The following OSBP2 variants were observed in gnomAD, a reference collection of about 807,000 sequenced individuals.
OSBP2 encodes the protein oxysterol-binding protein 2.
In OSBP2, 66 loss-of-function variants were observed where a neutral mutation model predicts 96.0. The observed-to-expected ratio is 0.69, with a 90% CI of 0.56 to 0.84. The LOEUF is 0.84. Among genes scored for constraint, OSBP2 ranks in the 40% least tolerant of loss-of-function variants. OSBP2 has a pLI of 0.00. For synonymous variants in OSBP2, 525 were observed against 520.9 expected (o/e 1.01, Z -0.11); for missense variants, 1,038 against 1,222.7 (o/e 0.85, Z 2.25).
At chr22:30,781,913 G>C (rs931213198) in intron 2 of OSBP2, among the ~76,000 whole-genome samples, 2 of 152,198 alleles carry the variant, frequency 1.3e-5, no homozygotes, top group Non-Finnish European at 2.9e-5. Context: ...TTGGGAGGCC[G>C]AGGTGGATGG....
chr22:30,896,132 G>T (rs1023883577), intron 12 of OSBP2, among the ~76,000 whole-genome samples: 2 of 151,826 alleles, frequency 1.3e-5, no homozygotes, highest in African/African-American at 4.8e-5. Context: ...CGATTCTCCT[G>T]TCTCAGTCTT....
At chr22:30,757,429 C>CT (rs985356754) in intron 2 of OSBP2, among the ~76,000 whole-genome samples, 88 of 148,350 alleles carry the variant, frequency 5.9e-4, no homozygotes, top group African/African-American at 1.3e-3. Context: ...CTTTTCTTTT[C>CT]TTTTTTTTTT....
intron 2 of OSBP2, among the ~76,000 whole-genome samples, chr22:30,828,257 A>G (rs1348765398): frequency 6.6e-6 from 1 of 152,242 alleles, no homozygotes; most frequent in Non-Finnish European, 1.5e-5. Context: ...CTTTTCCGTT[A>G]GGCAGAAAAT....
chr22:30,803,373 C>T (rs1979801652), intron 2 of OSBP2, among the ~76,000 whole-genome samples: 1 of 152,244 alleles, frequency 6.6e-6, no homozygotes, highest in African/African-American at 2.4e-5. Context: ...TCTGCCCTCA[C>T]AAGCCAGGGG....
At chr22:30,863,436 T>C (rs1262353127) in intron 2 of OSBP2, among the ~76,000 whole-genome samples, 1 of 152,118 alleles carries the variant, frequency 6.6e-6, no homozygotes, top group Non-Finnish European at 1.5e-5. Context: ...CTGTTTCTCC[T>C]CAGAGCCCCC....
At chr22:30,729,458 T>C (rs1425288356) in intron 1 of OSBP2, among the ~76,000 whole-genome samples, 1 of 152,064 alleles carries the variant, frequency 6.6e-6, no homozygotes, top group African/African-American at 2.4e-5. Context: ...GCCATCGTAA[T>C]GAAACCCCGT....
chr22:30,857,818 C>G (rs1022636085), intron 2 of OSBP2, among the ~76,000 whole-genome samples: 1 of 152,226 alleles, frequency 6.6e-6, no homozygotes, highest in Admixed American at 6.5e-5. Flanking sequence ...GCCCCCTCAT[C>G]CCCTATTCAT....
intron 2 of OSBP2, among the ~76,000 whole-genome samples, chr22:30,765,652 G>A (rs576701450): frequency 2.6e-5 from 4 of 152,236 alleles, no homozygotes; most frequent in South Asian, 4.1e-4. Flanking sequence ...CAAATTCCAT[G>A]TTTTTCTTGG....
At chr22:30,774,080 G>C (rs2090395179) in intron 2 of OSBP2, among the ~76,000 whole-genome samples, 1 of 152,114 alleles carries the variant, frequency 6.6e-6, no homozygotes, top group South Asian at 2.1e-4. Flanking sequence ...GGGTGGTCAG[G>C]ACAGTCCTGA....
At chr22:30,716,803 T>C (rs2089464149) in intron 1 of OSBP2, among the ~76,000 whole-genome samples, 1 of 152,230 alleles carries the variant, frequency 6.6e-6, no homozygotes, top group Admixed American at 6.5e-5. Context: ...CTTCTTACAT[T>C]CTAGACATTA....
rs754892843 is a variant in OSBP2 at position 30,893,199 on chromosome 22, C to T, written c.1947C>T (p.Ile649=). Residue 649 remains isoleucine, a synonymous_variant, in exon 9 of 14, where the codon ATC becomes ATT. Transcript: ENST00000332585. The stretch of plus-strand genomic sequence containing the variant: ...GGAGCCTCTGGCAGGAGATCACCAT[C>T]TCCAGCAAGTTCCGGGGAAAATACA... ...HGWSLWQEIT[I]SSKFRGKYIS... 6.2e-7 allele frequency: 1 copy of T among 1,614,148 alleles called. No homozygotes were observed. Among genetic ancestry groups the T allele is most frequent in the Non-Finnish European group, 8.5e-7 (1 of 1,179,996 alleles).
intron 2 of OSBP2, among the ~76,000 whole-genome samples, chr22:30,790,323 T>C (rs1284769406): frequency 6.6e-6 from 1 of 151,892 alleles, no homozygotes; most frequent in Non-Finnish European, 1.5e-5. Context: ...GGGGAAAGCA[T>C]AGAAAAGATT....
chr22:30,763,933 CAG>C (rs1056677999), intron 2 of OSBP2, among the ~76,000 whole-genome samples: 3 of 152,158 alleles, frequency 2.0e-5, no homozygotes, highest in Non-Finnish European at 2.9e-5. Flanking sequence ...TTACTTGACA[CAG>C]GGGGGCGCTA....
At chr22:30,835,717 AC>A (rs1251646444) in intron 2 of OSBP2, among the ~76,000 whole-genome samples, 3 of 137,858 alleles carry the variant, frequency 2.2e-5, no homozygotes, top group Admixed American at 7.2e-5. Flanking sequence ...ATATGTAGTT[AC>A]TTTTTTTTTT....
At chr22:30,775,254 C>G (rs1158496800) in intron 2 of OSBP2, among the ~76,000 whole-genome samples, 2 of 152,088 alleles carry the variant, frequency 1.3e-5, no homozygotes, top group Admixed American at 1.3e-4. Context: ...TATTATTTTA[C>G]AGCAAACCCC....
intron 1 of OSBP2, among the ~76,000 whole-genome samples, chr22:30,713,644 T>C (rs1205391381): frequency 6.6e-6 from 1 of 151,790 alleles, no homozygotes; most frequent in Non-Finnish European, 1.5e-5. Flanking sequence ...AACAATTATT[T>C]TAGATACAGG....
chr22:30,771,514 A>T (rs1440316844), intron 2 of OSBP2, among the ~76,000 whole-genome samples: 1 of 152,138 alleles, frequency 6.6e-6, no homozygotes, highest in Non-Finnish European at 1.5e-5. Flanking sequence ...ACACAGTGGC[A>T]CCTGCAGCCC....
chr22:30,822,514 A>G, intron 2 of OSBP2: 1 of 1,373,772 alleles, frequency 7.3e-7, no homozygotes, highest in South Asian at 1.7e-5. Flanking sequence ...GCCGGGACCC[A>G]CGAGTGTCCG....
intron 2 of OSBP2, among the ~76,000 whole-genome samples, chr22:30,746,558 C>T (rs1310160258): frequency 2.2e-5 from 3 of 136,700 alleles, no homozygotes; most frequent in Admixed American, 8.2e-5. Context: ...GGTGCAATCT[C>T]GGCTCATTGC....
Sources: gnomAD v4.1 joint callset for allele counts (sites outside exome capture counted in the v4.1 genomes callset) on GRCh38, gnomAD v4.1.1 for gene constraint, MANE v1.5 for transcripts, NCBI Gene and HGNC (gene_info 2026-07-23, HGNC 2026-07-21) for gene names.